The following KCNN3 variants were observed in gnomAD, a reference collection of about 807,000 sequenced individuals.
KCNN3 encodes the protein small conductance calcium-activated potassium channel protein 3.
KCNN3 carries 16 observed loss-of-function variants against 62.9 expected under a neutral mutation model. That is an observed-to-expected ratio of 0.25 (90% confidence interval 0.17 to 0.39). The LOEUF is 0.39. KCNN3 is among the 10% of genes least tolerant of loss of function. KCNN3 has a pLI of 1.00. For missense variants in KCNN3, 599 were observed against 949.4 expected, an observed-to-expected ratio of 0.63 and a Z score of 4.85; for synonymous variants, 370 against 389.2, an observed-to-expected ratio of 0.95 and a Z score of 0.58.
chr1:154,714,885 G>A lies in KCNN3; in HGVS notation c.1820C>T (p.Ala607Val). 6.2e-7 allele frequency: 1 copy of A among 1,613,580 alleles called. No individual in the cohort carries two copies. Among genetic ancestry groups the A allele is most frequent in the Non-Finnish European group, 8.5e-7 (1 of 1,179,664 alleles). ...VRKHQRKFLQ[A>V]IHQLRSVKME... The stretch of plus-strand genomic sequence containing the variant: ...GCTCTGGCATACTCACTGGTGGATA[G>A]CTTGGAGGAACTTCCTCTGGTGTTT... The change falls in exon 6 of 8, where the codon GCT becomes GTT. Residue 607 changes from alanine (A) to valine (V), a missense_variant. Physicochemically the swap from Ala to Val is moderately conservative, Grantham distance 64. Around this residue, in one of 7 missense-constraint regions of KCNN3, gnomAD observed 288 missense variants for 557.4 expected, o/e 0.52. Transcript: ENST00000271915.
intron 2 of KCNN3, among the ~76,000 whole-genome samples, chr1:154,821,483 C>T (rs1175323594): frequency 6.6e-6 from 1 of 152,164 alleles, no homozygotes; most frequent in Non-Finnish European, 1.5e-5. Context: ...ACTGGAAGTG[C>T]ACCCTGGAGG....
chr1:154,863,500 CT>C (rs1652844295), intron 1 of KCNN3, among the ~76,000 whole-genome samples: 1 of 152,162 alleles, frequency 6.6e-6, no homozygotes, highest in South Asian at 2.1e-4. Flanking sequence ...ACAGCCGCCC[CT>C]CACAACCCCC....
rs143130189 is a variant in KCNN3 at position 154,869,631 on chromosome 1, G to A, written c.334C>T (p.Pro112Ser). Residue 112 changes from proline to serine, a missense_variant, in exon 1 of 8, where the codon CCT becomes TCT. By Grantham distance (74) the Pro-to-Ser change is moderately conservative. This residue lies in a region of KCNN3 where 112 missense variants were observed against 142.9 expected (regional missense o/e 0.78). Transcript: ENST00000271915. This position sits in a 1 kb window ranked among gnomAD's most constrained non-coding sequence, Gnocchi z 6.1. ...HSSPTAFRAPPSSNSTAILHP... is the reference protein window; with the variant it reads ...HSSPTAFRAPSSSNSTAILHP... ...AGGATGGCGGTGGAGTTGGACGAAGGGGGGGCCCTGAAAGCGGTGGGAGAG... is the reference window on the plus strand; with the variant it reads ...AGGATGGCGGTGGAGTTGGACGAAGAGGGGGCCCTGAAAGCGGTGGGAGAG... 30 of 1,613,720 alleles carry A rather than the reference G, an allele frequency of 1.9e-5. No homozygotes were observed. The highest frequency in any genetic ancestry group is 1.6e-4 in the Middle Eastern group (1 of 6,062).
chr1:154,778,456 C>T (rs944705910), intron 2 of KCNN3, among the ~76,000 whole-genome samples: 3 of 152,244 alleles, frequency 2.0e-5, no homozygotes, highest in Middle Eastern at 3.4e-3. Flanking sequence ...GCTTCAGCAG[C>T]GCCCGGAAGG....
At chr1:154,738,191 G>C (rs191275732) in intron 3 of KCNN3, among the ~76,000 whole-genome samples, 1 of 152,106 alleles carries the variant, frequency 6.6e-6, no homozygotes, top group Non-Finnish European at 1.5e-5. Flanking sequence ...GAACACCAGG[G>C]GAAAGGAGAC....
Position 154,772,120 on chromosome 1 carries a change from G to A in KCNN3, c.1303C>T (p.Arg435Cys), listed in dbSNP as rs1326312153. The change falls in exon 3 of 8, where the codon CGC becomes TGC. Residue 435 changes from arginine (R) to cysteine (C), a missense_variant. Arg to Cys is a radical substitution (Grantham distance 180). Coordinates refer to ENST00000271915, the MANE Select transcript of KCNN3 (RefSeq NM_002249.6). The surrounding 1 kb of genome is among the most constrained non-coding windows in gnomAD (Gnocchi z 5.6). ...HSKLFTDASS[R>C]SIGALNKINF... is the part of the protein sequence containing the mutation. ...ATCTTGTTGAGGGCCCCGATGCTGC[G>A]GGACGAGGCATCGGTGAAGAGCTTG... The A allele has an allele frequency of 1.2e-6, 2 of 1,614,094 alleles. No homozygotes were observed. Among genetic ancestry groups the A allele is most frequent in the Non-Finnish European group, 1.7e-6 (2 of 1,180,054 alleles).
At chr1:154,766,442 A>G (rs1244605638) in intron 3 of KCNN3, among the ~76,000 whole-genome samples, 1 of 132,404 alleles carries the variant, frequency 7.6e-6, no homozygotes, top group Non-Finnish European at 1.6e-5. Context: ...ATATATATAT[A>G]TGTAGAAGTT....
At chr1:154,836,731 A>G (rs917409849) in intron 1 of KCNN3, among the ~76,000 whole-genome samples, 3 of 152,202 alleles carry the variant, frequency 2.0e-5, no homozygotes, top group African/African-American at 7.2e-5. Context: ...ATTGTCAGCT[A>G]AAGGGGCTAG....
At chr1:154,840,604 A>G (rs1651785596) in intron 1 of KCNN3, among the ~76,000 whole-genome samples, 1 of 152,222 alleles carries the variant, frequency 6.6e-6, no homozygotes, top group Non-Finnish European at 1.5e-5. Flanking sequence ...GAGTCCTCAT[A>G]TCGGGACAAA....
chr1:154,831,041 T>C (rs1327599800), intron 1 of KCNN3, among the ~76,000 whole-genome samples: 2 of 152,210 alleles, frequency 1.3e-5, no homozygotes, highest in African/African-American at 4.8e-5. Flanking sequence ...ACTTACAATA[T>C]TGGCAAAGAT....
intron 3 of KCNN3, among the ~76,000 whole-genome samples, chr1:154,753,733 T>C (rs1359974820): frequency 1.3e-5 from 2 of 152,196 alleles, no homozygotes; most frequent in Non-Finnish European, 2.9e-5. Context: ...GAAGAGGATG[T>C]CCAGTGTTTT....
At chr1:154,859,814 C>T (rs1061122) in intron 1 of KCNN3, 353,889 of 1,612,166 alleles carry the variant, frequency 0.22, 42,768 homozygotes, top group African/African-American at 0.43. Context: ...TCAGTCCCTG[C>T]AAGGAGTGTC....
At chr1:154,714,598 GA>G (rs1700189895) in intron 6 of KCNN3, among the ~76,000 whole-genome samples, 1 of 24,982 alleles carries the variant, frequency 4.0e-5, no homozygotes, top group African/African-American at 1.1e-4. Flanking sequence ...TGGTGTGTGT[GA>G]TGTGTGGTGT....
chr1:154,839,868 T>G (rs1235049698), intron 1 of KCNN3, among the ~76,000 whole-genome samples: 2 of 152,280 alleles, frequency 1.3e-5, no homozygotes, highest in African/African-American at 4.8e-5. Context: ...TTCTCAGAGC[T>G]GCAAATGGCT....
chr1:154,730,096 C>T (rs1378524450), intron 4 of KCNN3, among the ~76,000 whole-genome samples: 1 of 152,224 alleles, frequency 6.6e-6, no homozygotes, highest in Non-Finnish European at 1.5e-5. Flanking sequence ...GTTGCACTGT[C>T]ATTTCCAATT....
At position 154,860,900 on chromosome 1, in the gene KCNN3, G is replaced by C. The variant is rs571585880; in HGVS notation, c.933+8132C>G. Among the ~76,000 whole-genome samples, 52 of 151,444 alleles carry C rather than the reference G, an allele frequency of 3.4e-4. 2 individuals are homozygous for C. In the South Asian group the frequency reaches 0.01, roughly 30 times the overall value. On this transcript the variant is annotated intron_variant, in intron 1 of 7. Transcript: ENST00000271915. ...TTCCCTCTTAACACTGAGGAAATAG[G>C]CTTTGGGTTCAGTAAGTTCCCAGAG...
At chr1:154,795,508 T>C (rs1649696091) in intron 2 of KCNN3, among the ~76,000 whole-genome samples, 1 of 152,202 alleles carries the variant, frequency 6.6e-6, no homozygotes, top group Non-Finnish European at 1.5e-5. Context: ...CATTCACTGC[T>C]GTGCCACACA....
At chr1:154,843,533 A>G (rs1035271815) in intron 1 of KCNN3, among the ~76,000 whole-genome samples, 14 of 152,110 alleles carry the variant, frequency 9.2e-5, no homozygotes, top group African/African-American at 1.2e-4. Context: ...CCCAAAGTGC[A>G]GGGATTACAA....
chr1:154,828,597 C>A (rs1403018135), intron 1 of KCNN3, among the ~76,000 whole-genome samples: 1 of 152,186 alleles, frequency 6.6e-6, no homozygotes. Flanking sequence ...GACACTGGAT[C>A]GGTCCTTTAA....
Sources: allele counts gnomAD v4.1 joint callset (sites outside exome capture counted in the v4.1 genomes callset), GRCh38; gene constraint gnomAD v4.1.1; regional missense constraint gnomAD v4.1.1; non-coding constraint Gnocchi (gnomAD v3.1); transcripts MANE v1.5; gene names NCBI Gene and HGNC (gene_info 2026-07-23, HGNC 2026-07-21).